Variants in AZU1 observed in about 807,000 individuals in gnomAD.
The protein encoded by AZU1 is azurocidin.
Under a neutral mutation model 17.8 loss-of-function variants are expected in AZU1, and 21 were observed. That is an observed-to-expected ratio of 1.18 (90% CI 0.84 to 1.70). AZU1 has a LOEUF of 1.70. AZU1 is among the 40% of genes most tolerant of loss of function. The pLI is 0.00. For synonymous variants in AZU1, 178 were observed against 155.2 expected, an observed-to-expected ratio of 1.15 and a Z score of -1.09; for missense variants, 379 against 362.9, an observed-to-expected ratio of 1.04 and a Z score of -0.36.
intron 2 of AZU1, 149 bp from the exon 3 acceptor site, chr19:829,413 C>G: frequency 8.9e-7 from 1 of 1,128,574 alleles, no homozygotes; most frequent in East Asian, 2.4e-5. Flanking sequence ...TGGAAAGTCT[C>G]GGCTCTGCTT....
In AZU1 at chr19:827,948, C is replaced by T. The variant is rs564111589; in HGVS notation, c.58+44C>T. The T allele has an allele frequency of 3.6e-5, 56 of 1,534,840 alleles. No individual in the cohort carries two copies. The East Asian group carries it at 1.0e-3, about 27-fold the overall frequency. On this transcript the variant is annotated intron_variant, in intron 1 of 4. Coordinates refer to ENST00000233997, the MANE Select transcript of AZU1 (RefSeq NM_001700.5). ...CGGTGGTCCCCCATCTGTGCTAGGG[C>T]CCGGCTGCCAGGGCAGAACTCAGAC... is the stretch of plus-strand genomic sequence containing the variant.
chr19:830,613 C>T (rs771485935), intron 3 of AZU1, 95 bp from the exon 4 acceptor site: 6 of 1,090,958 alleles, frequency 5.5e-6, no homozygotes, highest in Non-Finnish European at 6.4e-6. Context: ...CACTTACAGA[C>T]TACAGTTAAT....
In AZU1 at chr19:831,808, C is replaced by T. The variant is rs2035291879; in HGVS notation, c.687C>T (p.Phe229=). 2.5e-6 allele frequency: 4 copies of T among 1,612,668 alleles called. No individual in the cohort carries two copies. The highest frequency in any genetic ancestry group is 2.5e-6 in the Non-Finnish European group (3 of 1,179,796). ...CCTGTGGCCGAGGCCCTGACTTCTT[C>T]ACCCGAGTGGCGCTCTTCCGAGACT... The part of the protein sequence containing the change: ...LGPCGRGPDF[F]TRVALFRDWI... Residue 229 remains phenylalanine (F), a synonymous_variant, in exon 5 of 5, where the codon TTC becomes TTT. Transcript: ENST00000233997.
Position 831,994 on chromosome 19 carries a change from A to G in AZU1, c.*117A>G. The stretch of plus-strand genomic sequence containing the variant: ...TCCGGCCAGAGGGGCCCTGGCTGTA[A>G]TAAAGAAGCCGATCTCTCCTCTGCT... On this transcript the variant is annotated 3_prime_UTR_variant, in exon 5 of 5. Transcript: ENST00000233997. 7.8e-7 allele frequency: 1 copy of G among 1,282,576 alleles called. No homozygotes were observed. Among genetic ancestry groups the G allele is most frequent in the Non-Finnish European group, 1.1e-6 (1 of 939,544 alleles). The allele number at this position is 1,282,576 out of a possible 1,614,324, so 79.4% of individuals were successfully genotyped here.
In AZU1 at chr19:829,570, G is replaced by A; in HGVS notation, c.224G>A (p.Gly75Glu). The change falls in exon 3 of 5, where the codon GGG (glycine) becomes GAG (glutamate). Residue 75 changes from glycine to glutamate, a missense_variant. Physicochemically the swap from Gly to Glu is moderately conservative, Grantham distance 98. Coordinates refer to ENST00000233997, the MANE Select transcript of AZU1 (RefSeq NM_001700.5). ...TCCTCCGCTACTCTCAGGAACCCCG[G>A]GGTTAGCACCGTGGTGCTGGGTGCC... ...AASCFQSQNP[G>E]VSTVVLGAYD... 1 of 1,612,982 alleles carries A rather than the reference G, an allele frequency of 6.2e-7. No homozygotes were observed. Among genetic ancestry groups the A allele is most frequent in the Non-Finnish European group, 8.5e-7 (1 of 1,179,902 alleles).
At position 829,719 on chromosome 19, in the gene AZU1, T is replaced by C. The variant is rs760481339; in HGVS notation, c.360+13T>C. Reference sequence around the variant, plus strand: ...GATGCTGCTTCAGGTGAGAGGATGGTGCCACCTGTGATCCCAGCACCTCGG... The same window carrying C: ...GATGCTGCTTCAGGTGAGAGGATGGCGCCACCTGTGATCCCAGCACCTCGG... On this transcript the variant is annotated intron_variant, in intron 3 of 4. Transcript: ENST00000233997. 3 of 1,611,296 alleles carry C rather than the reference T, an allele frequency of 1.9e-6. No homozygotes were observed. In the South Asian group the frequency reaches 3.3e-5, roughly 18 times the overall value.
intron 2 of AZU1, 25 bp downstream of exon 2, chr19:828,411 T>A: frequency 7.1e-7 from 1 of 1,416,752 alleles, no homozygotes. Flanking sequence ...GGAGGGGGCC[T>A]AGGGGGCATT....
At chr19:830,259 CA>C (rs1329164992) in intron 3 of AZU1, among the ~76,000 whole-genome samples, 2 of 151,802 alleles carry the variant, frequency 1.3e-5, no homozygotes, top group African/African-American at 2.4e-5. Context: ...GACCCTATCT[CA>C]AAAAAAACTT....
chr19:830,819 C>A lies in AZU1; in HGVS notation c.472C>A (p.Arg158Ser). The change falls in exon 4 of 5, where the codon CGC becomes AGC. Residue 158 changes from arginine to serine, a missense_variant. Physicochemically the swap from Arg to Ser is moderately radical, Grantham distance 110. Coordinates refer to ENST00000233997, the MANE Select transcript of AZU1 (RefSeq NM_001700.5). ...RCQVAGWGSQ[R>S]SGGRLSRFPR... is the part of the protein sequence containing the mutation. ...CCAGGTGGCCGGCTGGGGGAGCCAG[C>A]GCAGTGGGGGGCGTCTCTCCCGTTT... 6.2e-7 allele frequency: 1 copy of A among 1,607,632 alleles called. No homozygotes were observed. Among genetic ancestry groups the A allele is most frequent in the Non-Finnish European group, 8.5e-7 (1 of 1,179,930 alleles).
rs559722119 is a variant in AZU1 at position 831,928 on chromosome 19, C to T, written c.*51C>T. ...CCAGCCCCGCCCTCCACACCTCCGGCGCTCCGCACCCACCTCCCACGGCCC... is the reference window on the plus strand; with the variant it reads ...CCAGCCCCGCCCTCCACACCTCCGGTGCTCCGCACCCACCTCCCACGGCCC... On this transcript the variant is annotated 3_prime_UTR_variant, in exon 5 of 5. Transcript: ENST00000233997. 4.4e-4 allele frequency: 695 copies of T among 1,565,290 alleles called. 11 individuals are homozygous for T. The South Asian group carries it at 7.1e-3, about 16-fold the overall frequency.
chr19:830,634 C>A lies in AZU1; in HGVS notation c.361-74C>A, dbSNP rs2035275332. 6 of 1,274,258 alleles carry A rather than the reference C, an allele frequency of 4.7e-6. No individual in the cohort carries two copies. The South Asian group carries it at 5.9e-5, about 13-fold the overall frequency. The allele number at this position is 1,274,258 out of a possible 1,614,324, so 78.9% of individuals were successfully genotyped here. A position where few individuals can be genotyped will look rare whatever the true frequency, so the allele number is the denominator to read the frequency against. ...CAGACTACAGTTAATGTCGCTGACA[C>A]TTCTGCTCCCAGGGGTCCCCATGAG... On this transcript the variant is annotated intron_variant, in intron 3 of 4. Transcript: ENST00000233997.
chr19:831,472 C>G, intron 4 of AZU1: 1 of 529,862 alleles, frequency 1.9e-6, no homozygotes, highest in Non-Finnish European at 3.3e-6. Context: ...CTGAGGGACT[C>G]AGGCGTGTGA....
rs1268023667 is a variant in AZU1, at chr19:828,282, G to A, written c.111G>A (p.Gln37=). The change falls in exon 2 of 5, where the codon CAG becomes CAA. Residue 37 remains glutamine, a synonymous_variant. Coordinates refer to ENST00000233997, the MANE Select transcript of AZU1 (RefSeq NM_001700.5). ...GCGGCCGGAAGGCGAGGCCCCGCCA[G>A]TTCCCGTTCCTGGCCTCCATTCAGA... ...IVGGRKARPR[Q]FPFLASIQNQ... 2 of 1,611,826 alleles carry A rather than the reference G, an allele frequency of 1.2e-6. No homozygotes were observed. The highest frequency in any genetic ancestry group is 1.7e-6 in the Non-Finnish European group (2 of 1,179,610).
At chr19:830,550 G>A (rs1309079589) in intron 3 of AZU1, among the ~76,000 whole-genome samples, 158 bp from the exon 4 acceptor site, 1 of 152,208 alleles carries the variant, frequency 6.6e-6, no homozygotes, top group East Asian at 1.9e-4. Context: ...AACGTGCTGG[G>A]AATACAGGCG....
At chr19:831,237 C>T (rs1203252227) in intron 4 of AZU1, 2 of 399,008 alleles carry the variant, frequency 5.0e-6, no homozygotes, top group South Asian at 4.3e-5. Flanking sequence ...TGCGCCACCA[C>T]GCCCGGCTAA....
At chr19:828,012 C>A in intron 1 of AZU1, 108 bp downstream of exon 1, 1 of 1,461,456 alleles carries the variant, frequency 6.8e-7, no homozygotes, top group Non-Finnish European at 9.2e-7. Context: ...GCCTGGGTCA[C>A]ACAGCCAGCC....
rs1481333634 is a variant in AZU1, at chr19:830,919, C to T, written c.572C>T (p.Thr191Ile). The T allele has an allele frequency of 1.9e-6, 3 of 1,602,720 alleles. No individual in the cohort carries two copies. Among genetic ancestry groups the T allele is most frequent in the South Asian group, 2.2e-5 (2 of 91,058 alleles). Residue 191 changes from threonine to isoleucine, a missense_variant, in exon 4 of 5, where the codon ACC becomes ATC. Physicochemically the swap from Thr to Ile is moderately conservative, Grantham distance 89. Transcript: ENST00000233997. The part of the protein sequence containing the change: ...RPNNVCTGVL[T>I]RRGGICNGDG... ...AACAACGTGTGCACCGGTGTGCTCA[C>T]CCGCCGCGGTGGCATCTGCAATGTG...
At chr19:829,936 A>ATGTGTGTGTGTGTGTGTGTGTG (rs59995493) in intron 3 of AZU1, among the ~76,000 whole-genome samples, 13 of 137,766 alleles carry the variant, frequency 9.4e-5, no homozygotes, top group Non-Finnish European at 1.1e-4. Flanking sequence ...AAAAATATAT[A>ATGTGTGTGTGTGTGTGTGTGTG]TGTGTGTGTG....
At chr19:830,660 G>A (rs773367600) in intron 3 of AZU1, 48 bp from the exon 4 acceptor site, 1 of 1,470,324 alleles carries the variant, frequency 6.8e-7, no homozygotes, top group East Asian at 2.3e-5. Flanking sequence ...TCCCCATGAG[G>A]CTCCAGTCCC....
Sources: allele counts gnomAD v4.1 joint callset (sites outside exome capture counted in the v4.1 genomes callset), GRCh38; gene constraint gnomAD v4.1.1; transcripts MANE v1.5; gene names NCBI Gene and HGNC (gene_info 2026-07-23, HGNC 2026-07-21).